The following UNC13C variants were observed in gnomAD, a reference collection of about 807,000 sequenced individuals.
The protein encoded by UNC13C is unc-13 homolog C, also known as protein unc-13 homolog C.
In UNC13C, 174 loss-of-function variants were observed where a neutral mutation model predicts 245.4. The observed-to-expected ratio is 0.71, with a 90% confidence interval of 0.63 to 0.80. The LOEUF (loss-of-function observed/expected upper bound fraction) is 0.80, where lower values mean the gene tolerates loss of function less well. Ranked by LOEUF, UNC13C falls within the 30% of genes least tolerant of loss-of-function variation. The pLI is 0.00. For synonymous variants in UNC13C, 992 were observed against 895.1 expected (o/e 1.11, Z -1.93); for missense variants, 2,829 against 2,602.9 (o/e 1.09, Z -1.89).
intron 4 of UNC13C, among the ~76,000 whole-genome samples, chr15:54,166,540 C>A (rs192456906): frequency 6.6e-6 from 1 of 151,966 alleles, no homozygotes; most frequent in East Asian, 1.9e-4. Context: ...AAAAATGGCA[C>A]AAAGATTGGA....
chr15:53,980,113 G>T (rs1476790510), intron 1 of UNC13C, among the ~76,000 whole-genome samples: 1 of 152,156 alleles, frequency 6.6e-6, no homozygotes, highest in East Asian at 1.9e-4. Context: ...AAATGCAATA[G>T]AGGTAAGTGG....
At chr15:54,150,276 A>G (rs1413288238) in intron 4 of UNC13C, among the ~76,000 whole-genome samples, 1 of 152,234 alleles carries the variant, frequency 6.6e-6, no homozygotes, top group African/African-American at 2.4e-5. Flanking sequence ...TTATTACAGG[A>G]GAAACAACCC....
chr15:54,095,577 G>C (rs1416616680), intron 2 of UNC13C, among the ~76,000 whole-genome samples: 1 of 152,134 alleles, frequency 6.6e-6, no homozygotes, highest in East Asian at 1.9e-4. Flanking sequence ...AGCTTCACCT[G>C]GTAGCTTGAA....
intron 2 of UNC13C, among the ~76,000 whole-genome samples, chr15:54,028,340 A>G (rs1218218086): frequency 3.3e-5 from 5 of 152,212 alleles, no homozygotes; most frequent in Non-Finnish European, 5.9e-5. Flanking sequence ...TCTCCATTGA[A>G]CATCGGACAA....
In UNC13C at chr15:54,299,691, T is replaced by C. The variant is rs566047916; in HGVS notation, c.4105-519T>C. On this transcript the variant is annotated intron_variant, in intron 12 of 32. Coordinates refer to ENST00000260323, the MANE Select transcript of UNC13C (RefSeq NM_001080534.3). ...GGGTACATTCTTCAGCCTCATCTCATATTTTTTGATGTAAGACAAGTATCA... is the reference window on the plus strand; with the variant it reads ...GGGTACATTCTTCAGCCTCATCTCACATTTTTTGATGTAAGACAAGTATCA... Among the ~76,000 whole-genome samples, 12 of 152,306 alleles carry C rather than the reference T, an allele frequency of 7.9e-5. No homozygotes were observed. In the East Asian group the frequency reaches 1.4e-3, roughly 17 times the overall value.
chr15:54,417,670 TGAC>T (rs2040550336), intron 19 of UNC13C, among the ~76,000 whole-genome samples: 1 of 152,116 alleles, frequency 6.6e-6, no homozygotes, highest in Non-Finnish European at 1.5e-5. Context: ...GTCTTACTAG[TGAC>T]ATTTTCAATT....
chr15:53,890,136 G>A, the UNC13C span, among the ~76,000 whole-genome samples: 1,894 of 121,292 alleles, frequency 0.016, 39 homozygotes, highest in African/African-American at 0.051. Flanking sequence ...TGGTACCAGC[G>A]CCTCTTTTTT....
the UNC13C span, among the ~76,000 whole-genome samples, chr15:53,952,686 A>C: frequency 6.6e-6 from 1 of 152,206 alleles, no homozygotes; most frequent in South Asian, 2.1e-4. Flanking sequence ...TGTATAACCA[A>C]ATTAGGAATC....
At chr15:54,234,410 T>C (rs570020589) in intron 4 of UNC13C, among the ~76,000 whole-genome samples, 1 of 152,182 alleles carries the variant, frequency 6.6e-6, no homozygotes, top group African/African-American at 2.4e-5. Context: ...TTGATGAACA[T>C]GTAAATAACC....
rs745584076 is a variant in UNC13C, at chr15:54,014,590, G to T, written c.1687G>T (p.Asp563Tyr). 2.5e-6 allele frequency: 4 copies of T among 1,613,296 alleles called. No homozygotes were observed. In the South Asian group the frequency reaches 3.3e-5, roughly 13 times the overall value. ...CAAATTGTGTCAGTCTTACTCAGAA[G>T]ATTTTTCAGAAAATCAGTTTTTCAC... ...FSKLCQSYSE[D>Y]FSENQFFTRT... The change falls in exon 2 of 33, where the codon GAT (aspartate) becomes TAT (tyrosine). Residue 563 changes from aspartate (D) to tyrosine (Y), a missense_variant. Physicochemically the swap from Asp to Tyr is radical, Grantham distance 160. Transcript: ENST00000260323.
chr15:54,453,773 A>G (rs148073622), intron 19 of UNC13C, among the ~76,000 whole-genome samples: 279 of 152,350 alleles, frequency 1.8e-3, no homozygotes, highest in Non-Finnish European at 3.1e-3. Flanking sequence ...GACAAAATGG[A>G]ATGTAGGAAT....
At position 54,117,138 on chromosome 15, in the gene UNC13C, T is replaced by G. The variant is rs540566946; in HGVS notation, c.2984-25880T>G. ...GTTTTTGTTGTTGTTGTTGTTGTTA[T>G]TGAGTTATTTGAGCTCCTTATATAT... is the stretch of plus-strand genomic sequence containing the variant. On this transcript the variant is annotated intron_variant, in intron 2 of 32. Transcript: ENST00000260323. 3.5e-4 allele frequency among the ~76,000 whole-genome samples: 53 copies of G among 152,282 alleles called. 1 individual carries two copies. The South Asian group carries it at 0.011, about 32-fold the overall frequency.
At chr15:54,178,791 T>A (rs2141298251) in intron 4 of UNC13C, among the ~76,000 whole-genome samples, 1 of 152,276 alleles carries the variant, frequency 6.6e-6, no homozygotes, top group African/African-American at 2.4e-5. Flanking sequence ...GGGGTCATGC[T>A]GAAGGCCTGG....
chr15:54,544,813 GA>G (rs576135551), intron 26 of UNC13C, among the ~76,000 whole-genome samples: 160 of 152,278 alleles, frequency 1.1e-3, no homozygotes, highest in African/African-American at 3.8e-3. Flanking sequence ...CAAACAAATG[GA>G]AATAAATTTC....
Position 54,562,846 on chromosome 15 carries a change from G to T in UNC13C, c.5959-4954G>T, listed in dbSNP as rs984062887. Among the ~76,000 whole-genome samples, 24 of 151,882 alleles carry T rather than the reference G, an allele frequency of 1.6e-4. 1 individual carries two copies. Among genetic ancestry groups the T allele is most frequent in the Admixed American group, 9.2e-4 (14 of 15,230 alleles). ...TTTCATATTTCTTATAAATGATGAA[G>T]CCCAAGAATGAACTTAATATACCAG... On this transcript the variant is annotated intron_variant, in intron 29 of 32. Coordinates refer to ENST00000260323, the MANE Select transcript of UNC13C (RefSeq NM_001080534.3).
chr15:53,871,584 G>T, the UNC13C span, among the ~76,000 whole-genome samples: 1 of 152,168 alleles, frequency 6.6e-6, no homozygotes, highest in Non-Finnish European at 1.5e-5. Flanking sequence ...AGCACAATGA[G>T]TGGCACAGAG....
intron 2 of UNC13C, among the ~76,000 whole-genome samples, chr15:54,091,974 G>A (rs1321852674): frequency 6.6e-6 from 1 of 152,074 alleles, no homozygotes; most frequent in Non-Finnish European, 1.5e-5. Flanking sequence ...TTACTCACAA[G>A]TTTGATATCA....
chr15:54,360,318 A>G (rs900180758), intron 17 of UNC13C, among the ~76,000 whole-genome samples: 8 of 152,200 alleles, frequency 5.3e-5, no homozygotes, highest in African/African-American at 1.9e-4. Flanking sequence ...TGTGACATCT[A>G]TTCAGTCTTG....
At chr15:54,500,241 A>C (rs1157789553) in intron 21 of UNC13C, 66 bp downstream of exon 21, 3 of 1,151,072 alleles carry the variant, frequency 2.6e-6, no homozygotes, top group East Asian at 5.1e-5. Context: ...CTTTTAACCT[A>C]ATGGGAATTA....
Sources: gnomAD v4.1 joint callset for allele counts (sites outside exome capture counted in the v4.1 genomes callset) on GRCh38, gnomAD v4.1.1 for gene constraint, MANE v1.5 for transcripts, NCBI Gene and HGNC (gene_info 2026-07-23, HGNC 2026-07-21) for gene names.